The following CDH8 variants were observed in gnomAD, a reference collection of about 807,000 sequenced individuals.
CDH8 encodes cadherin 8, also known as cadherin-8.
A neutral mutation model predicts 68.1 loss-of-function variants in CDH8; 17 were observed. The observed-to-expected ratio is 0.25, with a 90% CI of 0.17 to 0.37. The LOEUF (loss-of-function observed/expected upper bound fraction) is 0.37. CDH8 is among the 10% of genes least tolerant of loss of function. The probability of loss-of-function intolerance (pLI) is 1.00; values close to 1 mark genes in which losing one functional copy is unlikely to be tolerated. For missense variants in CDH8, 763 were observed against 999.3 expected (o/e 0.76, Z 3.19); for synonymous variants, 372 against 365.1 (o/e 1.02, Z -0.21).
At position 61,904,701 on chromosome 16, in the gene CDH8, G is replaced by T. The variant is rs772914780; in HGVS notation, c.253-3228C>A. Among the ~76,000 whole-genome samples, 32 of 152,244 alleles carry T rather than the reference G, an allele frequency of 2.1e-4. 2 individuals carry two copies. The South Asian group carries it at 4.6e-3, about 22-fold the overall frequency. On this transcript the variant is annotated intron_variant, in intron 2 of 11. Coordinates refer to ENST00000577390, the MANE Select transcript of CDH8 (RefSeq NM_001796.5). Reference sequence around the variant, plus strand: ...TATGGGTCACTATCTGTGTGATAAGGGCTATGTGAATCACTTCTCATGTAA... The same window carrying T: ...TATGGGTCACTATCTGTGTGATAAGTGCTATGTGAATCACTTCTCATGTAA...
At position 61,880,245 on chromosome 16, in the gene CDH8, G is replaced by T. The variant is rs145168489; in HGVS notation, c.547+20934C>A. On this transcript the variant is annotated intron_variant, in intron 3 of 11. Transcript: ENST00000577390. ...GGCCATATAATATGAAGTTTTAACC[G>T]ACCTGGAGTAAGCAATGATAATCTG... 7.0e-4 allele frequency among the ~76,000 whole-genome samples: 106 copies of T among 152,186 alleles called. 1 individual carries two copies. In the East Asian group the frequency reaches 0.016, roughly 23 times the overall value.
chr16:61,987,175 G>T (rs934802333), intron 2 of CDH8, among the ~76,000 whole-genome samples: 2 of 152,080 alleles, frequency 1.3e-5, no homozygotes, highest in Non-Finnish European at 2.9e-5. Flanking sequence ...TTTCACTGTG[G>T]ATCATACAAT....
chr16:61,796,143 G>A (rs1227084139), intron 7 of CDH8, among the ~76,000 whole-genome samples: 1 of 151,440 alleles, frequency 6.6e-6, no homozygotes, highest in Admixed American at 6.6e-5. Flanking sequence ...GGGAATAGAT[G>A]GGAGAGAAAA....
intron 6 of CDH8, among the ~76,000 whole-genome samples, chr16:61,819,633 T>G (rs1962164294): frequency 6.6e-6 from 1 of 152,126 alleles, no homozygotes; most frequent in African/African-American, 2.4e-5. Context: ...AAATATGTTT[T>G]ATAAAAAAGA....
In CDH8 at chr16:61,648,039, C is replaced by G; in HGVS notation, c.*5569G>C. The G allele has an allele frequency of 1.8e-6, 1 of 563,776 alleles. No individual in the cohort carries two copies. Among genetic ancestry groups the G allele is most frequent in the Non-Finnish European group, 3.1e-6 (1 of 317,768 alleles). The allele number at this position is 563,776 out of a possible 1,614,324, so 34.9% of individuals were successfully genotyped here. The stretch of plus-strand genomic sequence containing the variant: ...CACTATTTTCACCAGCAAATGCCTA[C>G]TAACCTTGAGACCTAGATGAAACTT... On this transcript the variant is annotated 3_prime_UTR_variant, in exon 12 of 12. Coordinates refer to ENST00000577390, the MANE Select transcript of CDH8 (RefSeq NM_001796.5).
At chr16:61,838,910 C>A (rs778476524) in intron 4 of CDH8, among the ~76,000 whole-genome samples, 1 of 152,024 alleles carries the variant, frequency 6.6e-6, no homozygotes, top group African/African-American at 2.4e-5. Context: ...TCTTTTGTCA[C>A]TAAAATGATC....
intron 2 of CDH8, among the ~76,000 whole-genome samples, chr16:62,019,419 C>A (rs1054598859): frequency 1.3e-5 from 2 of 152,058 alleles, no homozygotes; most frequent in Non-Finnish European, 2.9e-5. Context: ...CACTTTTGTA[C>A]CTACAAAAAA....
chr16:62,010,564 T>C (rs1327632640), intron 2 of CDH8, among the ~76,000 whole-genome samples: 1 of 152,206 alleles, frequency 6.6e-6, no homozygotes, highest in Admixed American at 6.6e-5. Flanking sequence ...GAAGATTGAA[T>C]AGGCAAACTT....
chr16:61,768,319 TC>T (rs1567461080), intron 8 of CDH8, among the ~76,000 whole-genome samples: 1 of 45,406 alleles, frequency 2.2e-5, no homozygotes, highest in African/African-American at 1.2e-4. Context: ...TCCCTTTCTC[TC>T]TCTCTCTCTC....
intron 3 of CDH8, among the ~76,000 whole-genome samples, chr16:61,873,204 A>T (rs986404058): frequency 6.6e-6 from 1 of 152,208 alleles, no homozygotes; most frequent in African/African-American, 2.4e-5. Flanking sequence ...TAATAAAAAG[A>T]TTAATTATTT....
chr16:61,663,085 A>G (rs1963600568), intron 10 of CDH8, among the ~76,000 whole-genome samples: 1 of 152,018 alleles, frequency 6.6e-6, no homozygotes, highest in Non-Finnish European at 1.5e-5. Context: ...GCATCCAATG[A>G]CAATATTCCT....
chr16:61,684,483 T>C (rs750208112), intron 10 of CDH8, among the ~76,000 whole-genome samples: 9 of 151,998 alleles, frequency 5.9e-5, no homozygotes, highest in African/African-American at 2.2e-4. Context: ...AACAACAACA[T>C]TATAACAACA....
chr16:61,682,032 A>C (rs1964021186), intron 10 of CDH8, among the ~76,000 whole-genome samples: 2 of 152,046 alleles, frequency 1.3e-5, no homozygotes. Flanking sequence ...TCACATTTTA[A>C]GAAATAGACA....
intron 2 of CDH8, 52 bp from the exon 3 acceptor site, chr16:61,901,525 T>C (rs755344508): frequency 1.4e-4 from 184 of 1,304,030 alleles, no homozygotes; most frequent in Non-Finnish European, 4.1e-5. Context: ...AAAAGTTATT[T>C]TTTTAACTAC....
chr16:62,015,740 C>T (rs764242998), intron 2 of CDH8, among the ~76,000 whole-genome samples: 1 of 151,994 alleles, frequency 6.6e-6, no homozygotes, highest in Non-Finnish European at 1.5e-5. Context: ...GAGGGTGGAA[C>T]CCTCATGAAG....
intron 10 of CDH8, among the ~76,000 whole-genome samples, chr16:61,706,120 T>C (rs541283994): frequency 3.3e-4 from 51 of 152,290 alleles, no homozygotes; most frequent in African/African-American, 1.2e-3. Context: ...GAGTCATGTG[T>C]TTGCCTTAGC....
At chr16:61,662,406 G>A (rs912566053) in intron 10 of CDH8, among the ~76,000 whole-genome samples, 12 of 151,534 alleles carry the variant, frequency 7.9e-5, no homozygotes, top group Non-Finnish European at 1.3e-4. Context: ...AGATACAAGA[G>A]AGAAATTTTT....
Position 61,881,829 on chromosome 16 carries a change from G to A in CDH8, c.547+19350C>T, listed in dbSNP as rs571884001. Among the ~76,000 whole-genome samples, 18 of 152,240 alleles carry A rather than the reference G, an allele frequency of 1.2e-4. No individual in the cohort carries two copies. The East Asian group carries it at 1.5e-3, about 13-fold the overall frequency. On this transcript the variant is annotated intron_variant, in intron 3 of 11. Transcript: ENST00000577390. Reference sequence around the variant, plus strand: ...TGTAACCCCTTCTGGCTTCAAAGCCGGAGCTTTTAACTTTGAACGCTTCAA... The same window carrying A: ...TGTAACCCCTTCTGGCTTCAAAGCCAGAGCTTTTAACTTTGAACGCTTCAA...
chr16:61,790,740 A>C (rs1356656267), intron 7 of CDH8, among the ~76,000 whole-genome samples: 3 of 152,126 alleles, frequency 2.0e-5, no homozygotes, highest in Middle Eastern at 3.4e-3. Context: ...TTAATATTTT[A>C]GTAGAGTTCA....
Sources: gnomAD v4.1 joint callset for allele counts (sites outside exome capture counted in the v4.1 genomes callset) on GRCh38, gnomAD v4.1.1 for gene constraint, MANE v1.5 for transcripts, NCBI Gene and HGNC (gene_info 2026-07-23, HGNC 2026-07-21) for gene names.